The following FBXO4 variants were observed in gnomAD, a reference collection of about 807,000 sequenced individuals.
FBXO4 encodes the protein F-box only protein 4.
A neutral mutation model predicts 43.7 loss-of-function variants in FBXO4; 36 were observed. That is an observed-to-expected ratio of 0.82 (90% CI 0.63 to 1.09). The LOEUF (loss-of-function observed/expected upper bound fraction) is 1.09. Among genes scored for constraint, FBXO4 ranks in the 50% least tolerant of loss-of-function variants. The pLI is 0.00. For synonymous variants in FBXO4, 180 were observed against 165.6 expected, an observed-to-expected ratio of 1.09 and a Z score of -0.67; for missense variants, 435 against 474.1, an observed-to-expected ratio of 0.92 and a Z score of 0.77.
chr5:41,979,314 A>G, the FBXO4 span, among the ~76,000 whole-genome samples: 1 of 152,212 alleles, frequency 6.6e-6, no homozygotes, highest in African/African-American at 2.4e-5. Flanking sequence ...TTAAAAGGTG[A>G]CAAGCTATCC....
At chr5:41,933,791 C>G (rs1326743829) in intron 3 of FBXO4, among the ~76,000 whole-genome samples, 155 bp from the exon 4 acceptor site, 1 of 152,088 alleles carries the variant, frequency 6.6e-6, no homozygotes, top group Non-Finnish European at 1.5e-5. Context: ...CATACGGTAT[C>G]TTTTCTTCAA....
chr5:42,025,245 A>C, the FBXO4 span, among the ~76,000 whole-genome samples: 2 of 151,988 alleles, frequency 1.3e-5, no homozygotes, highest in Admixed American at 1.3e-4. Context: ...GATATAAGCC[A>C]TTTTAACTGG....
chr5:41,966,509 T>C, the FBXO4 span, among the ~76,000 whole-genome samples: 1 of 152,136 alleles, frequency 6.6e-6, no homozygotes, highest in Non-Finnish European at 1.5e-5. Flanking sequence ...ATACATAAAA[T>C]GAGGACTAAA....
intron 6 of FBXO4, 127 bp downstream of exon 6, chr5:41,939,743 A>AT: frequency 1.5e-6 from 1 of 655,412 alleles, no homozygotes; most frequent in Non-Finnish European, 2.4e-6. Context: ...AGCTTAATCT[A>AT]TGGAAGCTAT....
chr5:41,985,882 A>T, the FBXO4 span, among the ~76,000 whole-genome samples: 1 of 152,196 alleles, frequency 6.6e-6, no homozygotes, highest in African/African-American at 2.4e-5. Context: ...GTTGAATGAC[A>T]TAAGCCATTA....
At chr5:42,037,328 CCTT>C in the FBXO4 span, among the ~76,000 whole-genome samples, 3 of 151,994 alleles carry the variant, frequency 2.0e-5, no homozygotes, top group East Asian at 3.9e-4. Context: ...CCGTCCCCCA[CCTT>C]CTTTTTAGCC....
At chr5:41,991,090 C>T in the FBXO4 span, among the ~76,000 whole-genome samples, 4 of 152,148 alleles carry the variant, frequency 2.6e-5, no homozygotes, top group Non-Finnish European at 4.4e-5. Flanking sequence ...TTCACGTTAA[C>T]GTCCCTTTCT....
At chr5:41,929,132 T>C (rs1222909041) in intron 2 of FBXO4, among the ~76,000 whole-genome samples, 1 of 152,266 alleles carries the variant, frequency 6.6e-6, no homozygotes, top group Non-Finnish European at 1.5e-5. Flanking sequence ...GTAGGGATAT[T>C]GTGCTAACTA....
downstream of FBXO4, among the ~76,000 whole-genome samples, chr5:41,946,490 C>A (rs188218640): frequency 6.6e-6 from 1 of 152,278 alleles, no homozygotes; most frequent in Non-Finnish European, 1.5e-5. Flanking sequence ...AAAAGTAGGG[C>A]ACTCTGCTTG....
At chr5:42,040,305 C>T in the FBXO4 span, among the ~76,000 whole-genome samples, 1 of 151,874 alleles carries the variant, frequency 6.6e-6, no homozygotes, top group African/African-American at 2.4e-5. Flanking sequence ...CATAAGTGCA[C>T]CTATTTTGGT....
chr5:41,956,283 G>T, the FBXO4 span, among the ~76,000 whole-genome samples: 2 of 152,068 alleles, frequency 1.3e-5, no homozygotes, highest in African/African-American at 2.4e-5. Context: ...GCCCAAATTG[G>T]GCTTCTGGAC....
chr5:41,949,892 GC>G, the FBXO4 span, among the ~76,000 whole-genome samples: 1 of 152,006 alleles, frequency 6.6e-6, no homozygotes, highest in African/African-American at 2.4e-5. Flanking sequence ...ACAGAACAGA[GC>G]CCTCAGAAAT....
chr5:42,023,930 AC>A, the FBXO4 span, among the ~76,000 whole-genome samples: 1 of 151,986 alleles, frequency 6.6e-6, no homozygotes, highest in African/African-American at 2.4e-5. Flanking sequence ...TGTTCTCCAC[AC>A]CAAAACCTTC....
the FBXO4 span, among the ~76,000 whole-genome samples, chr5:42,012,167 T>C: frequency 6.6e-6 from 1 of 152,142 alleles, no homozygotes; most frequent in East Asian, 1.9e-4. Flanking sequence ...TGTCAGTAAT[T>C]AGACATGAGC....
chr5:42,031,357 G>A, the FBXO4 span, among the ~76,000 whole-genome samples: 1 of 148,952 alleles, frequency 6.7e-6, no homozygotes, highest in Non-Finnish European at 1.5e-5. Flanking sequence ...CTATCACAAG[G>A]ACAAAAAAAC....
chr5:41,982,822 C>T, the FBXO4 span, among the ~76,000 whole-genome samples: 1 of 152,208 alleles, frequency 6.6e-6, no homozygotes, highest in Non-Finnish European at 1.5e-5. Context: ...CACCCATCAA[C>T]CCGTTATCTA....
chr5:41,983,987 CA>C, the FBXO4 span, among the ~76,000 whole-genome samples: 2 of 151,990 alleles, frequency 1.3e-5, no homozygotes, highest in Non-Finnish European at 2.9e-5. Context: ...TGCCTATCAT[CA>C]TTGCTAATAT....
rs1455312831 is a variant in FBXO4, at chr5:41,927,159, T to G, written c.336T>G (p.Ser112=). The part of the protein sequence containing the change: ...FLLRDLPSWS[S]VDWKSLPDLE... ...TGAGGGATCTTCCTTCTTGGTCTTC[T>G]GTTGACTGGAAGTCTCTTCCAGATC... is the stretch of plus-strand genomic sequence containing the variant. Residue 112 remains serine (S), a synonymous_variant, in exon 2 of 7, where the codon TCT becomes TCG. Transcript: ENST00000281623. The G allele has an allele frequency of 6.2e-7, 1 of 1,613,916 alleles. No homozygotes were observed. The highest frequency in any genetic ancestry group is 8.5e-7 in the Non-Finnish European group (1 of 1,179,970).
chr5:41,973,836 T>G, the FBXO4 span, among the ~76,000 whole-genome samples: 2 of 152,254 alleles, frequency 1.3e-5, no homozygotes, highest in Non-Finnish European at 2.9e-5. Flanking sequence ...CTAATATTTT[T>G]GCTTTAAATA....
Sources: gnomAD v4.1 joint callset for allele counts (sites outside exome capture counted in the v4.1 genomes callset) on GRCh38, gnomAD v4.1.1 for gene constraint, MANE v1.5 for transcripts, NCBI Gene and HGNC (gene_info 2026-07-23, HGNC 2026-07-21) for gene names.